GRTP1: variants seen among roughly 807,000 people sequenced by gnomAD.
The protein encoded by GRTP1 is growth hormone regulated TBC protein 1, also known as growth hormone-regulated TBC protein 1.
A neutral mutation model predicts 38.1 loss-of-function variants in GRTP1; 56 were observed. The ratio of observed to expected loss-of-function variants is 1.47; its 90% CI spans 1.19 to 1.84. The LOEUF is 1.84. Among genes scored for constraint, GRTP1 ranks in the 40% most tolerant of loss-of-function variants. The pLI is 0.00. For missense variants in GRTP1, 506 were observed against 453.9 expected, an observed-to-expected ratio of 1.11 and a Z score of -1.04; for synonymous variants, 217 against 189.5, an observed-to-expected ratio of 1.14 and a Z score of -1.19.
intron 2 of GRTP1, among the ~76,000 whole-genome samples, chr13:113,358,687 A>G (rs1266228442): frequency 1.3e-5 from 2 of 152,234 alleles, no homozygotes; most frequent in Non-Finnish European, 2.9e-5. Context: ...TTTTTGATAA[A>G]GATGCAAAGG....
Position 113,342,244 on chromosome 13 carries a change from A to C in GRTP1, c.562+2619T>G, listed in dbSNP as rs2139442704. ...CCACGGCTCCTGGCTGTCACTTTTT[A>C]TTCTATAAAAAGTACTGTTGGGAGG... is the stretch of plus-strand genomic sequence containing the variant. On this transcript the variant is annotated intron_variant, in intron 5 of 7. Transcript: ENST00000375431. This position sits in a 1 kb window ranked among gnomAD's most constrained non-coding sequence, Gnocchi z 4.5. 6.6e-6 allele frequency among the ~76,000 whole-genome samples: 1 copy of C among 152,200 alleles called. No homozygotes were observed. The highest frequency in any genetic ancestry group is 2.1e-4 in the South Asian group (1 of 4,822).
rs2043044659 is a variant in GRTP1 at position 113,342,796 on chromosome 13, C to T, written c.562+2067G>A. ...CCCCCTTTTCCTCCCATGATCCTAA[C>T]AGTTTAGTTTTTGTACTTTCTTTTC... On this transcript the variant is annotated intron_variant, in intron 5 of 7. Transcript: ENST00000375431. This position sits in a 1 kb window ranked among gnomAD's most constrained non-coding sequence, Gnocchi z 4.5. Among the ~76,000 whole-genome samples, 1 of 152,192 alleles carries T rather than the reference C, an allele frequency of 6.6e-6. No homozygotes were observed. The highest frequency in any genetic ancestry group is 1.5e-5 in the Non-Finnish European group (1 of 68,030).
rs1190396446 is a variant in GRTP1, at chr13:113,347,502, G to A, written c.466-2543C>T. Among the ~76,000 whole-genome samples the A allele has an allele frequency of 1.1e-3, 59 of 52,866 alleles. 10 individuals are homozygous for A. Among genetic ancestry groups the A allele is most frequent in the African/African-American group, 3.0e-3 (48 of 16,054 alleles). The allele number at this position is 52,866 out of a possible 152,430, so 34.7% of individuals were successfully genotyped here. A position where few individuals can be genotyped will look rare whatever the true frequency, so the allele number is the denominator to read the frequency against. On this transcript the variant is annotated intron_variant, in intron 4 of 7. Coordinates refer to ENST00000375431, the MANE Select transcript of GRTP1 (RefSeq NM_024719.4). ...CAGACCTGGGAGGACCTCTGTGGCCGAGAGCGGACCCAGGAGCACCTCTGT... is the reference window on the plus strand; with the variant it reads ...CAGACCTGGGAGGACCTCTGTGGCCAAGAGCGGACCCAGGAGCACCTCTGT...
At chr13:113,329,927 GC>G (rs1444539124) in intron 5 of GRTP1, among the ~76,000 whole-genome samples, 2 of 152,404 alleles carry the variant, frequency 1.3e-5, no homozygotes, top group East Asian at 3.9e-4. Flanking sequence ...GGAGCTGGGC[GC>G]CCAGGTGGGC....
chr13:113,326,643 T>C (rs1181658360), intron 5 of GRTP1, among the ~76,000 whole-genome samples: 2 of 151,588 alleles, frequency 1.3e-5, no homozygotes, highest in South Asian at 4.2e-4. Context: ...TGCACTCCAG[T>C]CTGGGCCACA....
intron 2 of GRTP1, among the ~76,000 whole-genome samples, chr13:113,357,406 C>T (rs1466278557): frequency 7.1e-6 from 1 of 140,606 alleles, no homozygotes; most frequent in Non-Finnish European, 1.5e-5. Flanking sequence ...GATCACGCCG[C>T]TGCACTCCAG....
At chr13:113,340,129 C>T (rs1371635524) in intron 5 of GRTP1, among the ~76,000 whole-genome samples, 1 of 148,432 alleles carries the variant, frequency 6.7e-6, no homozygotes, top group African/African-American at 2.5e-5. Flanking sequence ...CCACCTCAGC[C>T]TCCTGGGTAG....
intron 3 of GRTP1, among the ~76,000 whole-genome samples, chr13:113,352,477 G>A (rs576624751): frequency 2.9e-4 from 43 of 150,368 alleles, no homozygotes; most frequent in East Asian, 1.8e-3. Context: ...GGGCTCAAGC[G>A]ATCCTCCCAC....
At position 113,363,921 on chromosome 13, in the gene GRTP1, G is replaced by A; in HGVS notation, c.33-11C>T. ...CCGTACGGGTCGATCCTGCAAAACC[G>A]AGAGAAGGAGGCCGGCGTCCCCGAA... On this transcript the variant is annotated splice_polypyrimidine_tract_variant and intron_variant, in intron 1 of 7. Transcript: ENST00000375431. 1 of 1,607,652 alleles carries A rather than the reference G, an allele frequency of 6.2e-7. No homozygotes were observed.
At chr13:113,332,381 C>CGTGCACACGCACGCCACACGT (rs146623838) in intron 5 of GRTP1, among the ~76,000 whole-genome samples, 7 of 61,098 alleles carry the variant, frequency 1.1e-4, no homozygotes, top group East Asian at 6.2e-4. Flanking sequence ...ACACCACACA[C>CGTGCACACGCACGCCACACGT]GCACACGCAC....
intron 2 of GRTP1, among the ~76,000 whole-genome samples, chr13:113,363,471 C>T (rs1002116183): frequency 1.3e-5 from 2 of 152,230 alleles, no homozygotes; most frequent in African/African-American, 2.4e-5. Context: ...TCCCAAAGCG[C>T]TGGGATTACA....
At chr13:113,324,849 CAG>C (rs1394678869) in intron 7 of GRTP1, 26 of 1,091,814 alleles carry the variant, frequency 2.4e-5, no homozygotes, top group East Asian at 1.8e-4. Context: ...TTTTTTGAGA[CAG>C]AGTCTCACTC....
At chr13:113,326,129 C>A (rs565440644) in intron 5 of GRTP1, 38 bp from the exon 6 acceptor site, 2 of 1,597,266 alleles carry the variant, frequency 1.3e-6, no homozygotes. Context: ...CGAGACACTC[C>A]CGTCACCTCC....
In GRTP1 at chr13:113,325,695, C is replaced by G; in HGVS notation, c.887G>C (p.Gly296Ala). Residue 296 changes from glycine (G) to alanine (A), a missense_variant, in exon 7 of 8, where the codon GGG becomes GCG. By Grantham distance (60) the Gly-to-Ala change is moderately conservative (BLOSUM62 0). Coordinates refer to ENST00000375431, the MANE Select transcript of GRTP1 (RefSeq NM_024719.4). Reference sequence around the variant, plus strand: ...CGTGTGACACTCCATCACGAAACTCCCTTTGGTTATCTGCTTAAACTTATC... The same window carrying G: ...CGTGTGACACTCCATCACGAAACTCGCTTTGGTTATCTGCTTAAACTTATC... ...ICDKFKQITK[G>A]SFVMECHTFM... 1.2e-6 allele frequency: 2 copies of G among 1,614,226 alleles called. No homozygotes were observed. The highest frequency in any genetic ancestry group is 1.7e-6 in the Non-Finnish European group (2 of 1,180,038).
At chr13:113,329,180 A>G (rs2042819901) in intron 5 of GRTP1, among the ~76,000 whole-genome samples, 1 of 152,246 alleles carries the variant, frequency 6.6e-6, no homozygotes, top group South Asian at 2.1e-4. Context: ...TAAGGTGTAC[A>G]GGGGAAGACC....
chr13:113,341,404 C>A (rs111833776), intron 5 of GRTP1, among the ~76,000 whole-genome samples: 5,470 of 152,138 alleles, frequency 0.036, 217 homozygotes, highest in African/African-American at 0.1. Context: ...GTAGCTGGGA[C>A]TACAGGCACC....
rs12856863 is a variant in GRTP1 at position 113,348,068 on chromosome 13, G to A, written c.465+2781C>T. ...CGGGAGGATCTCCGTGGCTGAGAAT[G>A]GACCCCTTTGAGTGGACAGTGCTAC... On this transcript the variant is annotated intron_variant, in intron 4 of 7. Coordinates refer to ENST00000375431, the MANE Select transcript of GRTP1 (RefSeq NM_024719.4). This position sits in a 1 kb window ranked among gnomAD's most constrained non-coding sequence, Gnocchi z 4.8. 0.18 allele frequency among the ~76,000 whole-genome samples: 27,634 copies of A among 151,906 alleles called. 2,690 individuals carry two copies. Among genetic ancestry groups the A allele is most frequent in the African/African-American group, 0.22 (8,997 of 41,412 alleles).
intron 5 of GRTP1, among the ~76,000 whole-genome samples, chr13:113,338,178 GC>G (rs1333317930): frequency 6.6e-6 from 1 of 152,140 alleles, no homozygotes; most frequent in Non-Finnish European, 1.5e-5. Context: ...CGCCCGGGGA[GC>G]GGCGTCTGCA....
intron 5 of GRTP1, among the ~76,000 whole-genome samples, chr13:113,333,837 T>G (rs200653534): frequency 1.3e-5 from 1 of 76,488 alleles, no homozygotes; most frequent in African/African-American, 5.5e-5. Context: ...TTTATTTATT[T>G]AGTGTGTGTG....
Sources: allele counts gnomAD v4.1 joint callset (sites outside exome capture counted in the v4.1 genomes callset), GRCh38; gene constraint gnomAD v4.1.1; non-coding constraint Gnocchi (gnomAD v3.1); transcripts MANE v1.5; gene names NCBI Gene and HGNC (gene_info 2026-07-23, HGNC 2026-07-21).